DSCAM: variants seen among roughly 807,000 people sequenced by gnomAD.
DSCAM encodes DS cell adhesion molecule, also known as cell adhesion molecule DSCAM.
In DSCAM, 47 loss-of-function variants were observed where a neutral mutation model predicts 217.7. The observed-to-expected ratio is 0.22, with a 90% CI of 0.17 to 0.28. DSCAM has a LOEUF of 0.28. DSCAM is among the 10% of genes least tolerant of loss of function. The pLI, the probability that DSCAM is intolerant of heterozygous loss-of-function variation, is 1.00. For synonymous variants in DSCAM, 1,056 were observed against 1,015.3 expected (o/e 1.04, Z -0.76); for missense variants, 2,080 against 2,618.3 (o/e 0.79, Z 4.49).
At chr21:40,085,882 T>C in intron 22 of DSCAM, 117 bp from the exon 23 acceptor site, 1 of 892,890 alleles carries the variant, frequency 1.1e-6, no homozygotes, top group Non-Finnish European at 1.5e-6. Context: ...GCTTCATATT[T>C]CTTGCATTAT....
chr21:40,191,716 A>G (rs905305851), intron 11 of DSCAM, among the ~76,000 whole-genome samples: 7 of 152,190 alleles, frequency 4.6e-5, no homozygotes, highest in African/African-American at 1.7e-4. Context: ...CAAGTCGACA[A>G]CAGAGCCATG....
intron 3 of DSCAM, among the ~76,000 whole-genome samples, chr21:40,465,724 A>G (rs1464358753): frequency 1.3e-5 from 2 of 152,134 alleles, no homozygotes; most frequent in African/African-American, 2.4e-5. Flanking sequence ...TCTTCTTCCA[A>G]TGTTCCCCAG....
At chr21:40,532,563 T>G (rs775434773) in intron 3 of DSCAM, among the ~76,000 whole-genome samples, 2 of 152,108 alleles carry the variant, frequency 1.3e-5, no homozygotes, top group Non-Finnish European at 2.9e-5. Flanking sequence ...ATGATTTATA[T>G]GTAGTGTTCA....
chr21:40,405,978 C>G (rs1569107358), intron 3 of DSCAM, among the ~76,000 whole-genome samples: 1 of 152,164 alleles, frequency 6.6e-6, no homozygotes, highest in East Asian at 1.9e-4. Flanking sequence ...GCCTGTGCAA[C>G]AGAGTGAGAC....
At chr21:40,791,519 C>G (rs1057182185) in intron 1 of DSCAM, among the ~76,000 whole-genome samples, 4 of 151,526 alleles carry the variant, frequency 2.6e-5, no homozygotes, top group Non-Finnish European at 4.4e-5. Flanking sequence ...GCCGGGCGTG[C>G]TGGCGGGCGC....
chr21:40,587,625 A>T (rs465127), intron 3 of DSCAM, among the ~76,000 whole-genome samples: 51,490 of 152,068 alleles, frequency 0.34, 9,061 homozygotes, highest in East Asian at 0.48. Context: ...TGAAAAGTAT[A>T]ATCATTTAAA....
chr21:40,473,424 G>A (rs1170228274), intron 3 of DSCAM, among the ~76,000 whole-genome samples: 3 of 152,278 alleles, frequency 2.0e-5, no homozygotes, highest in East Asian at 1.9e-4. Flanking sequence ...TGACAATAAC[G>A]GCCAACCTAA....
At chr21:40,293,694 C>T (rs2073921628) in intron 10 of DSCAM, among the ~76,000 whole-genome samples, 1 of 152,094 alleles carries the variant, frequency 6.6e-6, no homozygotes, top group African/African-American at 2.4e-5. Context: ...TGGTGGTGTA[C>T]ACCTGTAATC....
At chr21:40,281,892 A>G (rs2073765237) in intron 10 of DSCAM, among the ~76,000 whole-genome samples, 1 of 152,190 alleles carries the variant, frequency 6.6e-6, no homozygotes. Flanking sequence ...AAGTGTTTCT[A>G]TGTAATTATT....
chr21:40,776,857 T>G (rs1403075087), intron 1 of DSCAM, among the ~76,000 whole-genome samples: 3 of 152,194 alleles, frequency 2.0e-5, no homozygotes. Flanking sequence ...AATGAGCTAT[T>G]GATATTCCCT....
Position 40,139,121 on chromosome 21 carries a change from T to C in DSCAM, c.3406+3437A>G, listed in dbSNP as rs935979701. 1.1e-4 allele frequency among the ~76,000 whole-genome samples: 16 copies of C among 149,600 alleles called. 1 individual carries two copies. The highest frequency in any genetic ancestry group is 2.0e-4 in the East Asian group (1 of 5,040). On this transcript the variant is annotated intron_variant, in intron 18 of 32. Transcript: ENST00000400454. ...TGTGGTGTGGTGTGTGGTGTGTGTATGTGTGGTGTGTACATGTGGTGTGGT... is the reference window on the plus strand; with the variant it reads ...TGTGGTGTGGTGTGTGGTGTGTGTACGTGTGGTGTGTACATGTGGTGTGGT...
chr21:40,506,089 G>A (rs2076208418), intron 3 of DSCAM, among the ~76,000 whole-genome samples: 1 of 152,166 alleles, frequency 6.6e-6, no homozygotes, highest in Admixed American at 6.5e-5. Flanking sequence ...AAGATTTACT[G>A]AAGGAACTTT....
At chr21:40,693,001 G>A (rs770989068) in intron 2 of DSCAM, 45 bp from the exon 3 acceptor site, 40 of 1,579,238 alleles carry the variant, frequency 2.5e-5, no homozygotes, top group Non-Finnish European at 3.4e-5. Flanking sequence ...CGGTCAACAG[G>A]CTCATTCTGA....
At chr21:40,838,807 G>C (rs1003612128) in intron 1 of DSCAM, among the ~76,000 whole-genome samples, 2 of 152,044 alleles carry the variant, frequency 1.3e-5, no homozygotes, top group Admixed American at 1.3e-4. Context: ...TAAGACAAAA[G>C]GCAAACACTT....
intron 19 of DSCAM, among the ~76,000 whole-genome samples, chr21:40,125,770 G>T (rs114091637): frequency 1.3e-5 from 2 of 152,314 alleles, no homozygotes; most frequent in East Asian, 3.9e-4. Flanking sequence ...TATCAGGTGA[G>T]GGTAATGTCT....
intron 4 of DSCAM, 74 bp from the exon 5 acceptor site, chr21:40,353,817 T>A (rs1382910579): frequency 1.5e-6 from 2 of 1,312,558 alleles, no homozygotes; most frequent in East Asian, 2.7e-5. Flanking sequence ...TAGGACTTCA[T>A]GTATAACTTA....
intron 30 of DSCAM, among the ~76,000 whole-genome samples, chr21:40,050,487 C>CTTTCT (rs1555871442): frequency 2.0e-5 from 3 of 146,788 alleles, no homozygotes; most frequent in African/African-American, 7.5e-5. Flanking sequence ...GCCCTTGAAT[C>CTTTCT]TTTTTTTTTT....
At chr21:40,037,355 A>G (rs898873472) in intron 32 of DSCAM, among the ~76,000 whole-genome samples, 3 of 149,704 alleles carry the variant, frequency 2.0e-5, no homozygotes, top group Admixed American at 6.6e-5. Flanking sequence ...AGTCACAAGC[A>G]TTCTTATACA....
At chr21:40,820,073 A>T (rs576204438) in intron 1 of DSCAM, among the ~76,000 whole-genome samples, 2 of 152,304 alleles carry the variant, frequency 1.3e-5, no homozygotes, top group Admixed American at 1.3e-4. Context: ...GCTCTTAGGT[A>T]AAAAATTGGG....
Sources: allele counts gnomAD v4.1 joint callset (sites outside exome capture counted in the v4.1 genomes callset), GRCh38; gene constraint gnomAD v4.1.1; transcripts MANE v1.5; gene names NCBI Gene and HGNC (gene_info 2026-07-23, HGNC 2026-07-21).